Variants in ANK1 observed in about 807,000 individuals in gnomAD.
ANK1 encodes the protein ankyrin 1.
A neutral mutation model predicts 210.4 loss-of-function variants in ANK1; 51 were observed. The observed-to-expected ratio is 0.24, with a 90% CI of 0.19 to 0.31. The LOEUF (loss-of-function observed/expected upper bound fraction) is 0.31. Ranked by LOEUF, ANK1 falls within the 10% of genes least tolerant of loss-of-function variation. The pLI, the probability that ANK1 is intolerant of heterozygous loss-of-function variation, is 1.00. For synonymous variants in ANK1, 967 were observed against 1,025.9 expected (o/e 0.94, Z 1.10); for missense variants, 2,051 against 2,504.4 (o/e 0.82, Z 3.86).
At chr8:41,893,440 G>A (rs1200289191) in intron 1 of ANK1, among the ~76,000 whole-genome samples, 1 of 152,118 alleles carries the variant, frequency 6.6e-6, no homozygotes, top group African/African-American at 2.4e-5. Flanking sequence ...GCGTCGAGGT[G>A]GCTTCTATCT....
chr8:41,862,802 G>C (rs1813549857), intron 1 of ANK1, among the ~76,000 whole-genome samples: 1 of 151,860 alleles, frequency 6.6e-6, no homozygotes, highest in East Asian at 1.9e-4. Context: ...TTGAGGCCAG[G>C]AGTTCAGGAC....
rs1402114340 is a variant in ANK1 at position 41,701,554 on chromosome 8, A to G, written c.2457T>C (p.Asp819=). 3 of 1,613,992 alleles carry G rather than the reference A, an allele frequency of 1.9e-6. No individual in the cohort carries two copies. The highest frequency in any genetic ancestry group is 2.5e-6 in the Non-Finnish European group (3 of 1,180,010). Residue 819 remains aspartate (D), a synonymous_variant, in exon 22 of 43, where the codon GAT becomes GAC. Coordinates refer to ENST00000289734, the MANE Select transcript of ANK1 (RefSeq NM_000037.4). ...AGCTCTTTACCCCAACGTTACCTTC[A>G]TCTTCCGAGACATCCAGGATCTCAT... ...TVDEILDVSE[D]EGEELISFKA...
chr8:41,722,403 G>A (rs1829496510), intron 9 of ANK1, among the ~76,000 whole-genome samples: 1 of 152,200 alleles, frequency 6.6e-6, no homozygotes. Context: ...AACTGCTCGT[G>A]GGAAACCTCC....
intron 42 of ANK1, among the ~76,000 whole-genome samples, chr8:41,658,691 G>A (rs1585757650): frequency 6.6e-6 from 1 of 152,162 alleles, no homozygotes; most frequent in Non-Finnish European, 1.5e-5. Flanking sequence ...TGAGGAGCTC[G>A]AGACGAGCCT....
chr8:41,842,492 C>CAA (rs142348107), intron 1 of ANK1, among the ~76,000 whole-genome samples: 1 of 140,006 alleles, frequency 7.1e-6, no homozygotes, highest in African/African-American at 2.6e-5. Context: ...GACTCTATCT[C>CAA]AAAAAAAAAA....
intron 18 of ANK1, among the ~76,000 whole-genome samples, chr8:41,705,169 C>T (rs1377416204): frequency 2.0e-5 from 3 of 152,272 alleles, no homozygotes; most frequent in Non-Finnish European, 2.9e-5. Flanking sequence ...AATTTTGGGC[C>T]GACAGGCCAA....
chr8:41,727,422 T>A, intron 4 of ANK1, 74 bp from the exon 5 acceptor site: 1 of 1,048,022 alleles, frequency 9.5e-7, no homozygotes, highest in Non-Finnish European at 1.5e-6. Context: ...CAACGTCCTC[T>A]CACCTGGAGG....
Position 41,715,009 on chromosome 8 carries a change from C to T in ANK1, c.1668G>A (p.Leu556=), listed in dbSNP as rs947137959. ...YGKVRVAELL[L]ERDAHPNAAG... is the part of the protein sequence containing the mutation. ...CAGCATTCGGGTGTGCGTCCCGCTCCAGCAGCAGCTCTGCCACCCGCACCT... is the reference window on the plus strand; with the variant it reads ...CAGCATTCGGGTGTGCGTCCCGCTCTAGCAGCAGCTCTGCCACCCGCACCT... Residue 556 remains leucine, a synonymous_variant, in exon 15 of 43, where the codon CTG becomes CTA. Coordinates refer to ENST00000289734, the MANE Select transcript of ANK1 (RefSeq NM_000037.4). 3.1e-6 allele frequency: 5 copies of T among 1,614,034 alleles called. No individual in the cohort carries two copies. Among genetic ancestry groups the T allele is most frequent in the Non-Finnish European group, 4.2e-6 (5 of 1,180,040 alleles).
chr8:41,717,205 G>A (rs1563542936), intron 12 of ANK1, among the ~76,000 whole-genome samples, 154 bp from the exon 13 acceptor site: 1 of 152,222 alleles, frequency 6.6e-6, no homozygotes, highest in African/African-American at 2.4e-5. Context: ...TGGTATGTGT[G>A]CATGTGTGCA....
chr8:41,858,802 A>G (rs1362835182), intron 1 of ANK1, among the ~76,000 whole-genome samples: 1 of 152,262 alleles, frequency 6.6e-6, no homozygotes, highest in Non-Finnish European at 1.5e-5. Context: ...TGCTTATGTA[A>G]AACACCTGGT....
At chr8:41,872,601 C>T (rs1815753112) in intron 1 of ANK1, among the ~76,000 whole-genome samples, 1 of 152,222 alleles carries the variant, frequency 6.6e-6, no homozygotes, top group Admixed American at 6.5e-5. Flanking sequence ...GTGGGGAGCG[C>T]GTCCAGCCGC....
intron 1 of ANK1, among the ~76,000 whole-genome samples, chr8:41,892,148 C>G (rs1316665809): frequency 6.6e-6 from 1 of 151,902 alleles, no homozygotes; most frequent in Non-Finnish European, 1.5e-5. Flanking sequence ...AACTTTCCTC[C>G]CTCCATCCCA....
rs574086393 is a variant in ANK1 at position 41,698,110 on chromosome 8, G to A, written c.2570C>T (p.Pro857Leu). The change falls in exon 24 of 43, where the codon CCA becomes CTA. Residue 857 changes from proline to leucine, a missense_variant. By Grantham distance (98) the Pro-to-Leu change is moderately conservative. Transcript: ENST00000289734. ...VPKLDQVVES[P>L]AIPRIPCAMP... is the part of the protein sequence containing the mutation. ...GGCACAGGGAATCCTGGGGATGGCT[G>A]GAGATTCCACCCTGCGTGCCAAGAA... 3 of 1,614,090 alleles carry A rather than the reference G, an allele frequency of 1.9e-6. No homozygotes were observed. The highest frequency in any genetic ancestry group is 2.2e-5 in the South Asian group (2 of 91,082).
intron 1 of ANK1, among the ~76,000 whole-genome samples, chr8:41,782,193 C>T (rs916181334): frequency 3.9e-5 from 6 of 152,184 alleles, no homozygotes; most frequent in Non-Finnish European, 8.8e-5. Flanking sequence ...TGCCATGGGG[C>T]CACCAGATGG....
intron 2 of ANK1, among the ~76,000 whole-genome samples, chr8:41,738,666 G>T (rs1288264278): frequency 3.9e-5 from 6 of 152,244 alleles, no homozygotes; most frequent in Non-Finnish European, 7.3e-5. Context: ...TATGGACAGA[G>T]ATGAACTGTA....
intron 1 of ANK1, among the ~76,000 whole-genome samples, chr8:41,848,423 A>C (rs1435158391): frequency 6.6e-6 from 1 of 152,212 alleles, no homozygotes; most frequent in East Asian, 1.9e-4. Flanking sequence ...GTGAAGCATT[A>C]ACAGTCACTC....
At chr8:41,664,818 C>T (rs753941881) in intron 39 of ANK1, 10 of 1,607,618 alleles carry the variant, frequency 6.2e-6, no homozygotes, top group African/African-American at 4.0e-5. Context: ...CAGGAAGACC[C>T]GCCGCCGGAC....
intron 1 of ANK1, among the ~76,000 whole-genome samples, chr8:41,804,794 C>T (rs555195544): frequency 2.4e-4 from 36 of 152,116 alleles, no homozygotes; most frequent in East Asian, 7.7e-4. Flanking sequence ...TAGAGTGCTG[C>T]GAAATTCCCA....
chr8:41,664,191 C>T, intron 39 of ANK1: 1 of 457,420 alleles, frequency 2.2e-6, no homozygotes, highest in Admixed American at 2.3e-5. Context: ...GATCCGGGTG[C>T]AATCCCATGG....
Sources: gnomAD v4.1 joint callset for allele counts (sites outside exome capture counted in the v4.1 genomes callset) on GRCh38, gnomAD v4.1.1 for gene constraint, MANE v1.5 for transcripts, NCBI Gene and HGNC (gene_info 2026-07-23, HGNC 2026-07-21) for gene names.